The following PKHD1 variants were observed in gnomAD, a reference collection of about 807,000 sequenced individuals.
PKHD1 encodes PKHD1 ciliary IPT domain containing fibrocystin/polyductin, also known as fibrocystin.
Under a neutral mutation model 412.0 loss-of-function variants are expected in PKHD1, and 291 were observed. That is an observed-to-expected ratio of 0.71 (90% CI 0.64 to 0.78). PKHD1 has a LOEUF of 0.78. PKHD1 is among the 30% of genes least tolerant of loss of function. The pLI, the probability that PKHD1 is intolerant of heterozygous loss-of-function variation, is 0.00. For missense variants in PKHD1, 4,825 were observed against 4,950.7 expected (o/e 0.97, Z 0.76); for synonymous variants, 1,777 against 1,821.5 (o/e 0.98, Z 0.62).
chr6:51,698,434 G>C (rs1448479580), intron 60 of PKHD1, among the ~76,000 whole-genome samples: 1 of 152,130 alleles, frequency 6.6e-6, no homozygotes, highest in Non-Finnish European at 1.5e-5. Flanking sequence ...TCAACAATGA[G>C]ATTAACACTA....
intron 60 of PKHD1, among the ~76,000 whole-genome samples, chr6:51,676,239 A>C (rs924041216): frequency 4.6e-5 from 3 of 65,756 alleles, no homozygotes; most frequent in African/African-American, 1.8e-4. Flanking sequence ...AAAAAAAAAA[A>C]ATTAAAAGAA....
At chr6:51,714,578 T>C (rs1445899101) in intron 60 of PKHD1, among the ~76,000 whole-genome samples, 3 of 152,198 alleles carry the variant, frequency 2.0e-5, no homozygotes, top group African/African-American at 4.8e-5. Flanking sequence ...TATATGGCTA[T>C]GTAAATTTAA....
chr6:51,813,951 G>A (rs1008052636), intron 52 of PKHD1, among the ~76,000 whole-genome samples: 2 of 151,604 alleles, frequency 1.3e-5, no homozygotes, highest in South Asian at 2.1e-4. Context: ...TCCTTTGGAG[G>A]GAAAAAAAAA....
chr6:51,831,931 G>A (rs78745674), intron 51 of PKHD1, among the ~76,000 whole-genome samples: 3,446 of 152,232 alleles, frequency 0.023, 64 homozygotes, highest in Middle Eastern at 0.034. Context: ...TTCCTGGGAT[G>A]TGATTACTGG....
chr6:51,667,928 A>G (rs1328202180), intron 60 of PKHD1, among the ~76,000 whole-genome samples: 2 of 152,098 alleles, frequency 1.3e-5, no homozygotes, highest in African/African-American at 4.8e-5. Context: ...TAGCAGTACC[A>G]TGCTGTTTTG....
chr6:51,707,628 G>A (rs1780164296), intron 60 of PKHD1, among the ~76,000 whole-genome samples: 1 of 151,992 alleles, frequency 6.6e-6, no homozygotes, highest in Non-Finnish European at 1.5e-5. Flanking sequence ...TTGGTAAAAT[G>A]TTTTACTCTC....
chr6:52,062,792 T>C, intron 13 of PKHD1, 132 bp from the exon 14 acceptor site: 3 of 1,032,456 alleles, frequency 2.9e-6, no homozygotes, highest in Non-Finnish European at 4.5e-6. Context: ...TAGAGCCAGA[T>C]AGAGTAGTTA....
intron 35 of PKHD1, among the ~76,000 whole-genome samples, chr6:51,965,158 G>A (rs140976236): frequency 2.9e-4 from 44 of 152,192 alleles, no homozygotes; most frequent in African/African-American, 9.9e-4. Context: ...CCAAATAAAT[G>A]TGACCTCATC....
At chr6:52,010,523 T>C (rs1356074834) in intron 34 of PKHD1, 64 bp from the exon 35 acceptor site, 2 of 1,327,848 alleles carry the variant, frequency 1.5e-6, no homozygotes, top group East Asian at 4.6e-5. Flanking sequence ...TTATTTTTAC[T>C]CTTATTAATC....
At chr6:51,654,823 G>A (rs1383298185) in intron 61 of PKHD1, among the ~76,000 whole-genome samples, 1 of 152,038 alleles carries the variant, frequency 6.6e-6, no homozygotes, top group African/African-American at 2.4e-5. Context: ...CAGATTTAAT[G>A]ATGACCATGA....
Position 51,836,420 on chromosome 6 carries a change from C to T in PKHD1, c.8157G>A (p.Met2719Ile). 1 of 1,611,760 alleles carries T rather than the reference C, an allele frequency of 6.2e-7. No homozygotes were observed. The highest frequency in any genetic ancestry group is 8.5e-7 in the Non-Finnish European group (1 of 1,177,902). The change falls in exon 51 of 67, where the codon ATG becomes ATA. Residue 2719 changes from methionine (M) to isoleucine (I), a missense_variant. By Grantham distance (10) the Met-to-Ile change is conservative. Transcript: ENST00000371117. ...AATACTCACCTGAAATAGTTGGGGG[C>T]ATACCTTCCTTCACCCGGAGAATGA... is the stretch of plus-strand genomic sequence containing the variant. ...VQVILRVKEG[M>I]PPTISASTSA...
At chr6:51,919,423 A>C (rs1412630247) in intron 37 of PKHD1, among the ~76,000 whole-genome samples, 5 of 152,170 alleles carry the variant, frequency 3.3e-5, no homozygotes, top group Non-Finnish European at 7.3e-5. Flanking sequence ...AGGTTTGTCA[A>C]AGATCAGATG....
chr6:51,872,824 TA>T (rs1171880327), intron 46 of PKHD1, among the ~76,000 whole-genome samples: 3 of 149,566 alleles, frequency 2.0e-5, no homozygotes, highest in Non-Finnish European at 4.4e-5. Flanking sequence ...AACAATCTAC[TA>T]ATAAAGGGGT....
chr6:51,998,434 G>T (rs945452025), intron 35 of PKHD1, among the ~76,000 whole-genome samples: 1 of 152,156 alleles, frequency 6.6e-6, no homozygotes, highest in African/African-American at 2.4e-5. Context: ...AAGGAGAAAA[G>T]GAGTCTAAAA....
chr6:51,848,349 T>C (rs1317960449), intron 49 of PKHD1, among the ~76,000 whole-genome samples: 1 of 152,154 alleles, frequency 6.6e-6, no homozygotes, highest in African/African-American at 2.4e-5. Context: ...TCCCACGACT[T>C]GAAGCGACAG....
At chr6:51,976,538 G>A (rs1194509865) in intron 35 of PKHD1, among the ~76,000 whole-genome samples, 2 of 152,180 alleles carry the variant, frequency 1.3e-5, no homozygotes, top group African/African-American at 2.4e-5. Flanking sequence ...TTGGGAAGAC[G>A]AAAACATCCT....
intron 61 of PKHD1, among the ~76,000 whole-genome samples, chr6:51,653,204 G>T (rs7752484): frequency 0.15 from 22,056 of 152,028 alleles, 1,592 homozygotes; most frequent in East Asian, 0.27. Flanking sequence ...TGTATACTTT[G>T]TATGACAAGA....
At chr6:51,703,952 G>C (rs1213269283) in intron 60 of PKHD1, among the ~76,000 whole-genome samples, 1 of 151,978 alleles carries the variant, frequency 6.6e-6, no homozygotes, top group Non-Finnish European at 1.5e-5. Context: ...TTCTGCTCCA[G>C]TGATCCTCAT....
intron 46 of PKHD1, among the ~76,000 whole-genome samples, chr6:51,876,996 A>T (rs1369280524): frequency 6.4e-5 from 2 of 31,362 alleles, no homozygotes; most frequent in Admixed American, 1.1e-3. Flanking sequence ...TTAAACCAAC[A>T]AAGATCAAAA....
Sources: allele counts gnomAD v4.1 joint callset (sites outside exome capture counted in the v4.1 genomes callset), GRCh38; gene constraint gnomAD v4.1.1; transcripts MANE v1.5; gene names NCBI Gene and HGNC (gene_info 2026-07-23, HGNC 2026-07-21).